CELF4: variants seen among roughly 807,000 people sequenced by gnomAD.
The protein encoded by CELF4 is CUGBP Elav-like family member 4.
CELF4 carries 18 observed loss-of-function variants against 59.9 expected under a neutral mutation model. The observed-to-expected ratio is 0.30, with a 90% confidence interval of 0.21 to 0.45. CELF4 has a LOEUF of 0.45. Among genes scored for constraint, CELF4 ranks in the 20% least tolerant of loss-of-function variants. CELF4 has a pLI of 1.00. For synonymous variants in CELF4, 261 were observed against 267.1 expected (o/e 0.98, Z 0.22); for missense variants, 456 against 689.0 (o/e 0.66, Z 3.79).
At chr18:37,343,334 T>C (rs1234412794) in intron 2 of CELF4, among the ~76,000 whole-genome samples, 1 of 88,004 alleles carries the variant, frequency 1.1e-5, no homozygotes, top group Non-Finnish European at 2.6e-5. Context: ...TGATTCTGTG[T>C]GTGTGTGTGT....
chr18:37,490,697 G>T (rs932492249), intron 1 of CELF4, among the ~76,000 whole-genome samples: 1 of 152,110 alleles, frequency 6.6e-6, no homozygotes, highest in Non-Finnish European at 1.5e-5. Flanking sequence ...GGTGTTTGGG[G>T]GATGGAAACC....
rs937291482 is a variant in CELF4, at chr18:37,279,024, G to A, written c.449-3781C>T. 3.4e-5 allele frequency among the ~76,000 whole-genome samples: 5 copies of A among 149,164 alleles called. No homozygotes were observed. The East Asian group carries it at 1.0e-3, about 31-fold the overall frequency. ...GAGAATGACTCTGTTTCCCCAGCCC[G>A]TGCCCACCCTCCTCCTCCATCCACA... On this transcript the variant is annotated intron_variant, in intron 3 of 12. Coordinates refer to ENST00000420428, the MANE Select transcript of CELF4 (RefSeq NM_020180.4).
At chr18:37,472,988 C>A (rs926100619) in intron 2 of CELF4, among the ~76,000 whole-genome samples, 1 of 152,084 alleles carries the variant, frequency 6.6e-6, no homozygotes, top group East Asian at 1.9e-4. Flanking sequence ...CCTGCATCAA[C>A]CCCCGAACCC....
At chr18:37,378,047 G>A (rs139224365) in intron 2 of CELF4, among the ~76,000 whole-genome samples, 56 of 152,210 alleles carry the variant, frequency 3.7e-4, no homozygotes, top group Non-Finnish European at 7.6e-4. Flanking sequence ...CAGGAGCCTC[G>A]TGCTGGGTAG....
chr18:37,496,835 CCTG>C lies in CELF4; in HGVS notation c.287-11231_287-11229del, dbSNP rs1261537595. Among the ~76,000 whole-genome samples the C allele has an allele frequency of 1.1e-4, 17 of 152,142 alleles. No individual in the cohort carries two copies. The East Asian group carries it at 3.3e-3, about 29-fold the overall frequency. ...ATCACAGGCATTTAGCAATATTTAA[CCTG>C]AGGGCTGCGGCGAAGAAGGAGTTAG... On this transcript the variant is annotated intron_variant, in intron 1 of 12. Coordinates refer to ENST00000420428, the MANE Select transcript of CELF4 (RefSeq NM_020180.4).
Position 37,335,026 on chromosome 18 carries a change from C to T in CELF4, c.370-13145G>A, listed in dbSNP as rs1164734894. Among the ~76,000 whole-genome samples the T allele has an allele frequency of 2.0e-5, 3 of 151,340 alleles. No homozygotes were observed. In the South Asian group the frequency reaches 6.3e-4, roughly 32 times the overall value. On this transcript the variant is annotated intron_variant, in intron 2 of 12. Transcript: ENST00000420428. ...CCTCCCTCCCTCCCTCTGCTCCCCC[C>T]TCTCTCCCTCTGCCCCTTGCTCTCC...
chr18:37,456,107 G>A (rs185173495), intron 2 of CELF4, among the ~76,000 whole-genome samples: 2 of 152,252 alleles, frequency 1.3e-5, no homozygotes, highest in Non-Finnish European at 2.9e-5. Flanking sequence ...CCAGAGCCTC[G>A]GTCCTGCTTC....
At chr18:37,280,531 T>C (rs1484407324) in intron 3 of CELF4, among the ~76,000 whole-genome samples, 1 of 152,136 alleles carries the variant, frequency 6.6e-6, no homozygotes, top group African/African-American at 2.4e-5. Context: ...ATACATTCAG[T>C]AACTCTGGGA....
At chr18:37,261,284 C>A (rs2074259619) in intron 10 of CELF4, among the ~76,000 whole-genome samples, 1 of 150,884 alleles carries the variant, frequency 6.6e-6, no homozygotes, top group African/African-American at 2.4e-5. Context: ...CTCTTCCAGG[C>A]CCTGACTGCT....
chr18:37,470,576 C>T (rs1196447871), intron 2 of CELF4, among the ~76,000 whole-genome samples: 1 of 152,132 alleles, frequency 6.6e-6, no homozygotes, highest in South Asian at 2.1e-4. Flanking sequence ...GTCCAACTGT[C>T]TAGGCAAGTG....
chr18:37,338,759 C>CGTGTGTGT (rs60532435), intron 2 of CELF4, among the ~76,000 whole-genome samples: 52,620 of 145,306 alleles, frequency 0.36, 10,395 homozygotes, highest in Non-Finnish European at 0.46. Context: ...ATGCAGGAGC[C>CGTGTGTGT]GTGTGTGTGT....
At position 37,263,290 on chromosome 18, in the gene CELF4, C is replaced by T. The variant is rs576876991; in HGVS notation, c.1249+1384G>A. 1.2e-4 allele frequency among the ~76,000 whole-genome samples: 19 copies of T among 152,262 alleles called. No individual in the cohort carries two copies. In the South Asian group the frequency reaches 3.1e-3, roughly 25 times the overall value. On this transcript the variant is annotated intron_variant, in intron 10 of 12. Coordinates refer to ENST00000420428, the MANE Select transcript of CELF4 (RefSeq NM_020180.4). ...GCTCTCAGCCAGGCAGGCTGTGGCA[C>T]CTCTTTGGGGTCTGAGGGACTTGTC...
intron 1 of CELF4, among the ~76,000 whole-genome samples, chr18:37,541,710 T>C (rs1016505531): frequency 3.3e-5 from 5 of 151,878 alleles, no homozygotes; most frequent in African/African-American, 4.8e-5. Flanking sequence ...TCCTCCTGTC[T>C]CTTGAACACA....
At chr18:37,512,265 TGTCCATGTGCTGAGC>T (rs1227339732) in intron 1 of CELF4, among the ~76,000 whole-genome samples, 1 of 152,218 alleles carries the variant, frequency 6.6e-6, no homozygotes, top group Non-Finnish European at 1.5e-5. Context: ...TCCAGGCCAA[TGTCCATGTGCTGAGC>T]GTGATGGGGC....
chr18:37,258,625 A>G (rs2154296075), intron 11 of CELF4, among the ~76,000 whole-genome samples: 1 of 152,224 alleles, frequency 6.6e-6, no homozygotes, highest in South Asian at 2.1e-4. Flanking sequence ...CAGGGTAGAC[A>G]GAGAAGGAGT....
chr18:37,436,283 A>G (rs1312647920), intron 2 of CELF4, among the ~76,000 whole-genome samples: 5 of 152,216 alleles, frequency 3.3e-5, no homozygotes, highest in Non-Finnish European at 7.3e-5. Context: ...GCAGTTCGAG[A>G]TGCCCTCAAA....
At chr18:37,363,361 C>T (rs1222274016) in intron 2 of CELF4, among the ~76,000 whole-genome samples, 1 of 152,170 alleles carries the variant, frequency 6.6e-6, no homozygotes, top group Admixed American at 6.5e-5. Flanking sequence ...AACATTTTTC[C>T]AGGTATCCAA....
chr18:37,375,362 C>T (rs2154566729), intron 2 of CELF4, among the ~76,000 whole-genome samples: 1 of 152,262 alleles, frequency 6.6e-6, no homozygotes, highest in Middle Eastern at 3.4e-3. Flanking sequence ...CTCTCGGGGC[C>T]AGTACCAGGG....
intron 2 of CELF4, among the ~76,000 whole-genome samples, chr18:37,449,390 G>A (rs997116746): frequency 2.0e-5 from 3 of 152,152 alleles, no homozygotes; most frequent in African/African-American, 7.2e-5. Context: ...ACAGTGCTGG[G>A]AGCTTGATCT....
Sources: allele counts gnomAD v4.1 joint callset (sites outside exome capture counted in the v4.1 genomes callset), GRCh38; gene constraint gnomAD v4.1.1; transcripts MANE v1.5; gene names NCBI Gene and HGNC (gene_info 2026-07-23, HGNC 2026-07-21).